Variants in TRPM5 observed in about 807,000 individuals in gnomAD.
TRPM5 encodes the protein MLSN1 and TRP-related.
In TRPM5, 121 loss-of-function variants were observed where a neutral mutation model predicts 124.9. The observed-to-expected ratio is 0.97, with a 90% CI of 0.84 to 1.13. The LOEUF is 1.13. Ranked by LOEUF, TRPM5 falls within the 50% of genes most tolerant of loss-of-function variation. The pLI is 0.00. For synonymous variants in TRPM5, 781 were observed against 700.5 expected (o/e 1.11, Z -1.81); for missense variants, 1,643 against 1,589.1 (o/e 1.03, Z -0.58).
exon 24 of TRPM5, chr11:2,404,585 G>T (rs1007246393): frequency 1.9e-5 from 5 of 264,464 alleles, no homozygotes; most frequent in African/African-American, 1.1e-4. Flanking sequence ...CCCCAGAGCA[G>T]CTTCGCAGTC....
chr11:2,417,682 A>G, intron 7 of TRPM5, 45 bp downstream of exon 12: 1 of 1,492,478 alleles, frequency 6.7e-7, no homozygotes, highest in Non-Finnish European at 9.1e-7. Flanking sequence ...TCTGAGCATG[A>G]AGCCCCCCAA....
chr11:2,413,233 G>A lies in TRPM5; in HGVS notation c.2004-7C>T, dbSNP rs1262485678. 4.5e-6 allele frequency: 7 copies of A among 1,539,960 alleles called. No individual in the cohort carries two copies. Among genetic ancestry groups the A allele is most frequent in the South Asian group, 2.4e-5 (2 of 82,652 alleles). ...CCTCAGGGGAGCTTCCTCACTGCGA[G>A]CACAGGAGAGCTCAGGGCCCGCAGG... On this transcript the variant is annotated splice_region_variant and splice_polypyrimidine_tract_variant and intron_variant, in intron 13 of 23. Transcript: ENST00000155858.
intron 16 of TRPM5, 47 bp from the exon 22 acceptor site, chr11:2,411,814 G>C: frequency 6.2e-7 from 1 of 1,607,010 alleles, no homozygotes; most frequent in Non-Finnish European, 8.5e-7. Context: ...GAGAGGGGCA[G>C]AGGCTTCCCC....
exon 13 of TRPM5, chr11:2,413,520 G>C (rs2133515755): frequency 6.2e-7 from 1 of 1,612,496 alleles, no homozygotes; most frequent in Non-Finnish European, 8.5e-7. Context: ...GGCAGAGGAA[G>C]GCTCCTAGCA....
chr11:2,417,809 G>A, exon 7 of TRPM5: 1 of 1,584,268 alleles, frequency 6.3e-7, no homozygotes, highest in South Asian at 1.2e-5. Flanking sequence ...GCAGGTGCTG[G>A]TGTGAGGTGA....
chr11:2,418,458 G>T, intron 5 of TRPM5, 69 bp downstream of exon 10: 1 of 1,558,482 alleles, frequency 6.4e-7, no homozygotes, highest in Non-Finnish European at 8.7e-7. Context: ...CTGTCCCAGG[G>T]GTGCCCAGAA....
chr11:2,427,081 G>C (rs898933760), upstream of TRPM5, among the ~76,000 whole-genome samples: 1 of 152,212 alleles, frequency 6.6e-6, no homozygotes. Flanking sequence ...CCAGCACTGG[G>C]CAGCCCCTTC....
At chr11:2,417,959 C>T in intron 6 of TRPM5, 130 bp from the exon 12 acceptor site, 2 of 1,038,462 alleles carry the variant, frequency 1.9e-6, no homozygotes, top group Non-Finnish European at 2.8e-6. Context: ...TGCCCACCGC[C>T]CACCGGGCCC....
At chr11:2,433,336 G>C in the TRPM5 span, among the ~76,000 whole-genome samples, 9 of 152,390 alleles carry the variant, frequency 5.9e-5, no homozygotes, top group Non-Finnish European at 1.0e-4. Flanking sequence ...TTGGCGATCA[G>C]ACAGCAGATC....
At chr11:2,406,550 A>G in intron 21 of TRPM5, 111 bp downstream of exon 26, 3 of 1,390,932 alleles carry the variant, frequency 2.2e-6, no homozygotes, top group Non-Finnish European at 2.9e-6. Flanking sequence ...CCCTGCCCCT[A>G]CCCCTTCAGC....
At chr11:2,421,333 G>A (rs149347460) in intron 2 of TRPM5, 135 bp from the exon 8 acceptor site, 17 of 1,141,874 alleles carry the variant, frequency 1.5e-5, no homozygotes, top group Non-Finnish European at 1.7e-5. Flanking sequence ...AATGCCTCAC[G>A]GTGGGGTGGG....
At chr11:2,405,064 C>G (rs751085355) in intron 23 of TRPM5, 21 bp from the exon 29 acceptor site, 14 of 1,604,386 alleles carry the variant, frequency 8.7e-6, no homozygotes, top group Non-Finnish European at 1.1e-5. Flanking sequence ...GGAAGGCCCC[C>G]CTGAGCGGTG....
intron 23 of TRPM5, among the ~76,000 whole-genome samples, chr11:2,405,316 GTC>G (rs971013432): frequency 6.6e-6 from 1 of 152,240 alleles, no homozygotes; most frequent in African/African-American, 2.4e-5. Context: ...AGCCTCAAGA[GTC>G]TGAGTGAAGC....
chr11:2,424,933 C>A (rs994706141), upstream of TRPM5, among the ~76,000 whole-genome samples: 2 of 152,196 alleles, frequency 1.3e-5, no homozygotes, highest in Non-Finnish European at 2.9e-5. Context: ...GTGGAGGCGC[C>A]CTGATGCCCT....
downstream of TRPM5, among the ~76,000 whole-genome samples, chr11:2,404,220 G>A (rs551322732): frequency 1.3e-5 from 2 of 152,360 alleles, no homozygotes; most frequent in East Asian, 3.9e-4. Context: ...AGAGGAGGCT[G>A]GGGTGAGTGG....
At chr11:2,430,803 G>A in the TRPM5 span, among the ~76,000 whole-genome samples, 1 of 151,048 alleles carries the variant, frequency 6.6e-6, no homozygotes, top group Non-Finnish European at 1.5e-5. Flanking sequence ...GGTGGTTTTG[G>A]TGGCGGTGAT....
At chr11:2,417,972 C>T (rs569343666) in intron 6 of TRPM5, 143 bp from the exon 12 acceptor site, 3 of 994,582 alleles carry the variant, frequency 3.0e-6, no homozygotes, top group East Asian at 2.6e-5. Flanking sequence ...CCGGGCCCGG[C>T]CTGGGACCAC....
chr11:2,415,205 C>T, exon 9 of TRPM5: 1 of 1,582,606 alleles, frequency 6.3e-7, no homozygotes, highest in Non-Finnish European at 8.6e-7. Flanking sequence ...CGCGGGAGAC[C>T]TCGTGCAGGG....
At chr11:2,407,182 G>C in exon 20 of TRPM5, 1 of 1,611,608 alleles carries the variant, frequency 6.2e-7, no homozygotes, top group South Asian at 1.1e-5. Flanking sequence ...AGGCTCAGGT[G>C]GCTGAGCAGG....
Sources: gnomAD v4.1 joint callset for allele counts (sites outside exome capture counted in the v4.1 genomes callset) on GRCh38, gnomAD v4.1.1 for gene constraint, MANE v1.5 for transcripts, NCBI Gene and HGNC (gene_info 2026-07-23, HGNC 2026-07-21) for gene names.